ANO5: variants seen among roughly 807,000 people sequenced by gnomAD.
ANO5 encodes the protein anoctamin 5.
ANO5 carries 109 observed loss-of-function variants against 121.0 expected under a neutral mutation model. The ratio of observed to expected loss-of-function variants is 0.90; its 90% CI spans 0.77 to 1.06. The LOEUF is 1.06. ANO5 is among the 50% of genes least tolerant of loss of function. The probability of loss-of-function intolerance (pLI) is 0.00; values close to 1 mark genes in which losing one functional copy is unlikely to be tolerated. For missense variants in ANO5, 1,064 were observed against 1,078.5 expected (o/e 0.99, Z 0.19); for synonymous variants, 406 against 359.9 (o/e 1.13, Z -1.45).
In ANO5 at chr11:22,276,182, TTCA is replaced by T; in HGVS notation, c.2508_2510del (p.Ile837del). On this transcript the variant is annotated inframe_deletion, in exon 21 of 22. Transcript: ENST00000324559. ...GCATGTCCTTGCTGCCAAGATGACC[TTCA>T]TCATTGTTATGGAAGTAAGCTGTTC... The T allele has an allele frequency of 6.2e-7, 1 of 1,609,538 alleles. No individual in the cohort carries two copies. The highest frequency in any genetic ancestry group is 8.5e-7 in the Non-Finnish European group (1 of 1,176,304).
At chr11:22,215,991 T>C (rs977654321) in intron 3 of ANO5, among the ~76,000 whole-genome samples, 3 of 151,920 alleles carry the variant, frequency 2.0e-5, no homozygotes, top group African/African-American at 7.2e-5. Context: ...TCATTCTTTC[T>C]GAATATATCT....
At chr11:22,277,479 A>C (rs1854905428) in intron 21 of ANO5, among the ~76,000 whole-genome samples, 1 of 151,464 alleles carries the variant, frequency 6.6e-6, no homozygotes, top group African/African-American at 2.4e-5. Flanking sequence ...CAATTCTGAA[A>C]TATTTCTGTC....
intron 13 of ANO5, 94 bp from the exon 14 acceptor site, chr11:22,257,586 T>C: frequency 9.7e-7 from 1 of 1,032,242 alleles, no homozygotes; most frequent in South Asian, 1.3e-5. Flanking sequence ...GGGAGACTCC[T>C]ACTTTAACTG....
chr11:22,235,503 G>A (rs569046536), intron 7 of ANO5, among the ~76,000 whole-genome samples: 6 of 151,888 alleles, frequency 4.0e-5, no homozygotes, highest in African/African-American at 1.4e-4. Context: ...GAAAGGTAGG[G>A]GACTATGTAT....
At position 22,193,448 on chromosome 11, in the gene ANO5, T is replaced by C. The variant is rs1183907876; in HGVS notation, c.-45T>C. The stretch of plus-strand genomic sequence containing the variant: ...TCCACGTCTGTCTCAGCTGCCCCTC[T>C]CCTGCTGCCTCTCAGGCACCAGTGC... On this transcript the variant is annotated 5_prime_UTR_variant, in exon 1 of 22. Transcript: ENST00000324559. The C allele has an allele frequency of 3.1e-6, 5 of 1,595,852 alleles. No individual in the cohort carries two copies. The highest frequency in any genetic ancestry group is 4.3e-6 in the Non-Finnish European group (5 of 1,171,866).
chr11:22,238,028 T>C (rs967522144), intron 8 of ANO5, among the ~76,000 whole-genome samples: 1 of 152,150 alleles, frequency 6.6e-6, no homozygotes, highest in South Asian at 2.1e-4. Flanking sequence ...GTTTTTAAAT[T>C]TGTGTGTGTA....
In ANO5 at chr11:22,208,970, A is replaced by G. The variant is rs539950999; in HGVS notation, c.88-2294A>G. The stretch of plus-strand genomic sequence containing the variant: ...AGGCAGGCAATTTTCAAAAAAAATA[A>G]GTATTATAGCATATTCATTCAACTA... On this transcript the variant is annotated intron_variant, in intron 2 of 21. Coordinates refer to ENST00000324559, the MANE Select transcript of ANO5 (RefSeq NM_213599.3). Among the ~76,000 whole-genome samples, 21 of 152,054 alleles carry G rather than the reference A, an allele frequency of 1.4e-4. No homozygotes were observed. The South Asian group carries it at 4.4e-3, about 32-fold the overall frequency.
chr11:22,220,842 T>C (rs1354322356), intron 4 of ANO5, among the ~76,000 whole-genome samples: 1 of 151,924 alleles, frequency 6.6e-6, no homozygotes, highest in Non-Finnish European at 1.5e-5. Context: ...TTTATACATA[T>C]ATTCATTTCA....
At chr11:22,229,651 G>GA in intron 7 of ANO5, among the ~76,000 whole-genome samples, 1 of 152,038 alleles carries the variant, frequency 6.6e-6, no homozygotes, top group East Asian at 1.9e-4. Context: ...TTGTTACATT[G>GA]AAAAATTGTT....
rs1332553185 is a variant in ANO5, at chr11:22,218,301, T to C, written c.180+14T>C. ...CGGCGGCTTATGGTAAAACCAGTGC[T>C]GAATGATGCTGCTTATGCTCTGAAT... On this transcript the variant is annotated intron_variant, in intron 4 of 21. Coordinates refer to ENST00000324559, the MANE Select transcript of ANO5 (RefSeq NM_213599.3). The C allele has an allele frequency of 6.2e-7, 1 of 1,613,268 alleles. No homozygotes were observed. The highest frequency in any genetic ancestry group is 2.2e-5 in the East Asian group (1 of 44,834).
intron 15 of ANO5, among the ~76,000 whole-genome samples, chr11:22,260,392 G>GTTC (rs1468664820): frequency 6.6e-6 from 1 of 152,126 alleles, no homozygotes. Context: ...TTCTCTGAGT[G>GTTC]TTCTCTCCAG....
chr11:22,239,256 T>C (rs1441258805), intron 8 of ANO5, among the ~76,000 whole-genome samples: 1 of 152,080 alleles, frequency 6.6e-6, no homozygotes, highest in Non-Finnish European at 1.5e-5. Context: ...AGCTGTATAG[T>C]GATATGGCTC....
At chr11:22,192,846 C>G, upstream of ANO5, 1 of 432,052 alleles carries the variant, frequency 2.3e-6, no homozygotes, top group Non-Finnish European at 3.1e-6. Flanking sequence ...GCGGCGGGTC[C>G]CGAGGAGGGA....
intron 14 of ANO5, among the ~76,000 whole-genome samples, chr11:22,258,920 T>C (rs981144424): frequency 5.3e-5 from 8 of 151,964 alleles, no homozygotes; most frequent in Admixed American, 2.0e-4. Flanking sequence ...GATCACGAGG[T>C]CAGGAGATCG....
At chr11:22,254,414 G>C (rs76612547) in intron 12 of ANO5, among the ~76,000 whole-genome samples, 4,536 of 152,154 alleles carry the variant, frequency 0.03, 224 homozygotes, top group African/African-American at 0.1. Context: ...CCCACCAATA[G>C]ATACGTACAA....
Position 22,275,083 on chromosome 11 carries a change from A to G in ANO5, c.2414+336A>G, listed in dbSNP as rs114194083. On this transcript the variant is annotated intron_variant, in intron 20 of 21. Coordinates refer to ENST00000324559, the MANE Select transcript of ANO5 (RefSeq NM_213599.3). ...CCTTAGTCCAAAGCTGCAATAATCTATAGATCATACAACATTGTCAAATTG... is the reference window on the plus strand; with the variant it reads ...CCTTAGTCCAAAGCTGCAATAATCTGTAGATCATACAACATTGTCAAATTG... Among the ~76,000 whole-genome samples the G allele has an allele frequency of 8.8e-3, 1,345 of 152,162 alleles. 16 individuals carry two copies. The highest frequency in any genetic ancestry group is 0.031 in the African/African-American group (1,274 of 41,558).
intron 4 of ANO5, among the ~76,000 whole-genome samples, chr11:22,218,748 A>G (rs1029525041): frequency 1.7e-4 from 26 of 151,914 alleles, no homozygotes; most frequent in African/African-American, 6.3e-4. Flanking sequence ...TTTAGGAGAG[A>G]TGAGTGGTTT....
intron 13 of ANO5, among the ~76,000 whole-genome samples, chr11:22,257,085 T>A (rs925886415): frequency 1.3e-4 from 20 of 152,062 alleles, no homozygotes; most frequent in African/African-American, 4.8e-4. Flanking sequence ...TTTTTTTTGT[T>A]TGTTTGTTTT....
At chr11:22,263,737 A>G (rs1350804392) in intron 17 of ANO5, among the ~76,000 whole-genome samples, 3 of 152,190 alleles carry the variant, frequency 2.0e-5, no homozygotes, top group Non-Finnish European at 4.4e-5. Flanking sequence ...GGCATGCAAT[A>G]CAAAGTGGAG....
Sources: allele counts gnomAD v4.1 joint callset (sites outside exome capture counted in the v4.1 genomes callset), GRCh38; gene constraint gnomAD v4.1.1; transcripts MANE v1.5; gene names NCBI Gene and HGNC (gene_info 2026-07-23, HGNC 2026-07-21).